The following PGAP3 variants were observed in gnomAD, a reference collection of about 807,000 sequenced individuals.
The protein encoded by PGAP3 is post-GPI attachment to proteins phospholipase 3, also known as GPI-specific phospholipase A2-like PGAP3.
A neutral mutation model predicts 40.3 loss-of-function variants in PGAP3; 31 were observed. The ratio of observed to expected loss-of-function variants is 0.77; its 90% confidence interval spans 0.58 to 1.04. PGAP3 has a LOEUF of 1.04. Ranked by LOEUF, PGAP3 falls within the 50% of genes least tolerant of loss-of-function variation. PGAP3 has a pLI of 0.00. For synonymous variants in PGAP3, 191 were observed against 184.5 expected (o/e 1.04, Z -0.29); for missense variants, 413 against 423.0 (o/e 0.98, Z 0.21).
chr17:39,674,429 C>T (rs1376242305), intron 4 of PGAP3, among the ~76,000 whole-genome samples, 188 bp downstream of exon 4: 1 of 152,100 alleles, frequency 6.6e-6, no homozygotes, highest in African/African-American at 2.4e-5. Context: ...GCAAGAAGAG[C>T]GAATACTCAT....
Position 39,672,656 on chromosome 17 carries a change from G to T in PGAP3, c.*147C>A, listed in dbSNP as rs1170707875. 1.2e-6 allele frequency: 1 copy of T among 826,630 alleles called. No homozygotes were observed. Among genetic ancestry groups the T allele is most frequent in the Non-Finnish European group, 1.9e-6 (1 of 514,628 alleles). The allele number at this position is 826,630 out of a possible 1,614,324, so 51.2% of individuals were successfully genotyped here. ...AGGCTGGTGAGGGCCAACAGGGGGTGGGCTGGCCACATGATTCTGGGCCCA... is the reference window on the plus strand; with the variant it reads ...AGGCTGGTGAGGGCCAACAGGGGGTTGGCTGGCCACATGATTCTGGGCCCA... On this transcript the variant is annotated 3_prime_UTR_variant, in exon 8 of 8. Coordinates refer to ENST00000300658, the MANE Select transcript of PGAP3 (RefSeq NM_033419.5).
chr17:39,673,947 C>A, intron 5 of PGAP3, 46 bp downstream of exon 5: 2 of 1,589,010 alleles, frequency 1.3e-6, no homozygotes, highest in Non-Finnish European at 1.7e-6. Context: ...CCCCTTTCTG[C>A]CCCCAGGGTT....
Position 39,672,512 on chromosome 17 carries a change from T to A in PGAP3, c.*291A>T. ...GGCTGATGGGGAGGAAACAGGCAGC[T>A]GTCCTCCCGGTAGAGCTAAGAGCAC... On this transcript the variant is annotated 3_prime_UTR_variant, in exon 8 of 8. Transcript: ENST00000300658. 1 of 467,764 alleles carries A rather than the reference T, an allele frequency of 2.1e-6. No individual in the cohort carries two copies. Among genetic ancestry groups the A allele is most frequent in the Non-Finnish European group, 3.9e-6 (1 of 258,064 alleles). The allele number at this position is 467,764 out of a possible 1,614,324, so 29.0% of individuals were successfully genotyped here.
chr17:39,672,995 G>A, intron 7 of PGAP3, 56 bp downstream of exon 7: 1 of 1,580,740 alleles, frequency 6.3e-7, no homozygotes, highest in Non-Finnish European at 8.6e-7. Flanking sequence ...CTCCCCTAAG[G>A]AGTGGGCAAG....
intron 5 of PGAP3, 34 bp downstream of exon 5, chr17:39,673,959 G>T: frequency 6.2e-7 from 1 of 1,607,970 alleles, no homozygotes; most frequent in South Asian, 1.1e-5. Context: ...CCCAGGGTTC[G>T]ATTTTGCCCC....
intron 6 of PGAP3, 83 bp downstream of exon 6, chr17:39,673,430 TC>T: frequency 6.3e-7 from 1 of 1,593,582 alleles, no homozygotes; most frequent in Non-Finnish European, 8.6e-7. Context: ...CTCTAGAACC[TC>T]CTTCTCCAGG....
At position 39,674,074 on chromosome 17, in the gene PGAP3, G is replaced by A. The variant is rs749051834; in HGVS notation, c.496-20C>T. The A allele has an allele frequency of 1.2e-6, 2 of 1,611,098 alleles. No individual in the cohort carries two copies. Among genetic ancestry groups the A allele is most frequent in the Admixed American group, 1.7e-5 (1 of 60,024 alleles). On this transcript the variant is annotated intron_variant, in intron 4 of 7. Transcript: ENST00000300658. ...CATTTTCTGAGGACAGGGAAGGGTG[G>A]TGAGGGACCAGCATGAGGCTTCACG...
At chr17:39,673,011 G>A (rs2057326429) in intron 7 of PGAP3, 40 bp downstream of exon 7, 2 of 1,586,608 alleles carry the variant, frequency 1.3e-6, no homozygotes, top group Admixed American at 3.7e-5. Context: ...GCAAGGAAGG[G>A]TCCAAAGAAG....
intron 4 of PGAP3, 150 bp from the exon 5 acceptor site, chr17:39,674,204 AC>A: frequency 1.3e-6 from 1 of 774,428 alleles, no homozygotes; most frequent in Non-Finnish European, 2.1e-6. Context: ...TGTTCACATC[AC>A]CATACAAGTT....
chr17:39,673,438 C>T, intron 6 of PGAP3, 76 bp downstream of exon 6: 12 of 1,599,020 alleles, frequency 7.5e-6, no homozygotes, highest in Non-Finnish European at 1.0e-5. Flanking sequence ...CCTCCTTCTC[C>T]AGGAATGGCA....
intron 3 of PGAP3, among the ~76,000 whole-genome samples, chr17:39,681,837 G>A (rs942804713): frequency 3.3e-5 from 5 of 151,754 alleles, no homozygotes; most frequent in Non-Finnish European, 7.4e-5. Context: ...GTAACTGATA[G>A]GTCCCAAAAC....
At chr17:39,686,119 A>C (rs1359148161) in intron 1 of PGAP3, 100 bp from the exon 2 acceptor site, 5 of 978,886 alleles carry the variant, frequency 5.1e-6, no homozygotes, top group Non-Finnish European at 3.1e-6. Flanking sequence ...GAGGGCCTGT[A>C]AGTTGGAGAG....
At chr17:39,686,701 A>G (rs1341050524) in intron 1 of PGAP3, among the ~76,000 whole-genome samples, 2 of 151,776 alleles carry the variant, frequency 1.3e-5, no homozygotes, top group Non-Finnish European at 2.9e-5. Context: ...CGAGACCACA[A>G]TGTCTGGCTA....
chr17:39,675,047 C>G (rs1565921), intron 3 of PGAP3, among the ~76,000 whole-genome samples: 8 of 36,894 alleles, frequency 2.2e-4, no homozygotes, highest in Admixed American at 1.5e-3. Context: ...AGCACCACCC[C>G]ACCCGGGCCC....
At chr17:39,684,365 T>G (rs1477363901) in intron 3 of PGAP3, among the ~76,000 whole-genome samples, 1 of 152,126 alleles carries the variant, frequency 6.6e-6, no homozygotes, top group Non-Finnish European at 1.5e-5. Context: ...AATGCCCTTC[T>G]TTCCTCTCTC....
At chr17:39,684,522 T>A in intron 3 of PGAP3, 75 bp downstream of exon 3, 3 of 1,459,158 alleles carry the variant, frequency 2.1e-6, no homozygotes, top group Non-Finnish European at 9.2e-7. Flanking sequence ...GAAGCCCTGT[T>A]GGGTGTTAAT....
chr17:39,683,429 G>C (rs1390389122), intron 3 of PGAP3, among the ~76,000 whole-genome samples: 2 of 152,080 alleles, frequency 1.3e-5, no homozygotes, highest in Non-Finnish European at 2.9e-5. Flanking sequence ...CACCCCTGAA[G>C]CACCTCTCCC....
At position 39,686,002 on chromosome 17, in the gene PGAP3, C is replaced by T. The variant is rs201649387; in HGVS notation, c.199G>A (p.Asp67Asn). Residue 67 changes from aspartate (D) to asparagine (N), a missense_variant, in exon 2 of 8, where the codon GAC (aspartate) becomes AAC (asparagine). Transcript: ENST00000300658. ...ACCCACATACACTCATACTTACAGT[C>T]GTCCCGACAGGTCCAGCCTGAAACA... ...MSLAGWTCRDDCKYECMWVTV... is the reference protein window; with the variant it reads ...MSLAGWTCRDNCKYECMWVTV... 2.3e-5 allele frequency: 37 copies of T among 1,612,882 alleles called. No homozygotes were observed. The Middle Eastern group carries it at 1.5e-3, about 65-fold the overall frequency.
At chr17:39,674,397 G>A (rs148979563) in intron 4 of PGAP3, among the ~76,000 whole-genome samples, 189 of 152,246 alleles carry the variant, frequency 1.2e-3, no homozygotes, top group African/African-American at 4.3e-3. Flanking sequence ...TCCCCCTGTC[G>A]AAGGCTCAGC....
Sources: allele counts gnomAD v4.1 joint callset (sites outside exome capture counted in the v4.1 genomes callset), GRCh38; gene constraint gnomAD v4.1.1; transcripts MANE v1.5; gene names NCBI Gene and HGNC (gene_info 2026-07-23, HGNC 2026-07-21).